Variants in EPHB2 observed in about 807,000 individuals in gnomAD.
EPHB2 encodes the protein EPH receptor B2, also known as ephrin type-B receptor 2.
EPHB2 carries 18 observed loss-of-function variants against 96.4 expected under a neutral mutation model. The observed-to-expected ratio is 0.19, with a 90% CI of 0.13 to 0.28. EPHB2 has a LOEUF of 0.28. Among genes scored for constraint, EPHB2 ranks in the 10% least tolerant of loss-of-function variants. EPHB2 has a pLI of 1.00. For missense variants in EPHB2, 989 were observed against 1,355.4 expected, an observed-to-expected ratio of 0.73 and a Z score of 4.25; for synonymous variants, 506 against 534.1, an observed-to-expected ratio of 0.95 and a Z score of 0.72.
At chr1:22,848,963 G>A (rs992534334) in intron 3 of EPHB2, among the ~76,000 whole-genome samples, 19 of 152,108 alleles carry the variant, frequency 1.2e-4, no homozygotes, top group African/African-American at 4.1e-4. Flanking sequence ...TGGAGCCTCC[G>A]TTTCTCATCT....
intron 1 of EPHB2, among the ~76,000 whole-genome samples, chr1:22,713,809 C>T (rs986663631): frequency 1.1e-4 from 16 of 152,188 alleles, no homozygotes; most frequent in African/African-American, 1.7e-4. Flanking sequence ...CTCCAGCCTT[C>T]GGAATGGGGG....
chr1:22,903,053 A>G (rs555913942), intron 9 of EPHB2, among the ~76,000 whole-genome samples: 16 of 152,356 alleles, frequency 1.1e-4, no homozygotes, highest in African/African-American at 3.6e-4. Context: ...TCTAGGGAGC[A>G]GGGAGCTGGA....
intron 1 of EPHB2, among the ~76,000 whole-genome samples, chr1:22,720,996 G>A (rs1270907552): frequency 6.6e-6 from 1 of 152,082 alleles, no homozygotes; most frequent in Admixed American, 6.6e-5. Flanking sequence ...AGCGAACTGG[G>A]CATCATAATT....
intron 7 of EPHB2, among the ~76,000 whole-genome samples, chr1:22,893,747 T>C (rs1639465950): frequency 6.6e-6 from 1 of 152,208 alleles, no homozygotes; most frequent in South Asian, 2.1e-4. Flanking sequence ...AATGATCTCA[T>C]TATCACTATC....
At position 22,906,465 on chromosome 1, in the gene EPHB2, AC is replaced by A. The variant is rs1639918256; in HGVS notation, c.1889-240del. ...ATCTCCCAGGTTCCCCTGCACCCTC[AC>A]CCCCATGCCCAGCCAGGGATAACCA... On this transcript the variant is annotated intron_variant, in intron 10 of 15. Coordinates refer to ENST00000374630, the MANE Select transcript of EPHB2 (RefSeq NM_017449.5). The surrounding 1 kb of genome is among the most constrained non-coding windows in gnomAD (Gnocchi z 4.8). Among the ~76,000 whole-genome samples, 1 of 151,484 alleles carries A rather than the reference AC, an allele frequency of 6.6e-6. No individual in the cohort carries two copies. Among genetic ancestry groups the A allele is most frequent in the Non-Finnish European group, 1.5e-5 (1 of 67,898 alleles).
rs1644573289 is a variant in EPHB2, at chr1:22,784,102, C to T, written c.127-290C>T. On this transcript the variant is annotated intron_variant, in intron 2 of 15. Transcript: ENST00000374630. The surrounding 1 kb of genome is among the most constrained non-coding windows in gnomAD (Gnocchi z 5.1). ...GTGGGGAAGGGTTCTCCCTATTTTC[C>T]CCTTCCAGGTGGGAACTTCCTGGCC... 6.6e-6 allele frequency among the ~76,000 whole-genome samples: 1 copy of T among 152,152 alleles called. No homozygotes were observed. Among genetic ancestry groups the T allele is most frequent in the Non-Finnish European group, 1.5e-5 (1 of 68,018 alleles).
chr1:22,872,621 G>T (rs1193013171), intron 5 of EPHB2, among the ~76,000 whole-genome samples: 1 of 152,128 alleles, frequency 6.6e-6, no homozygotes, highest in Non-Finnish European at 1.5e-5. Context: ...GTCCACAGAG[G>T]TTCCTTAGTG....
intron 6 of EPHB2, among the ~76,000 whole-genome samples, chr1:22,887,576 G>A (rs112968986): frequency 0.019 from 2,822 of 152,314 alleles, 86 homozygotes; most frequent in African/African-American, 0.064. Context: ...TGACAACTGC[G>A]TTGCTAGATG....
At chr1:22,823,722 A>T (rs1434469767) in intron 3 of EPHB2, among the ~76,000 whole-genome samples, 3 of 152,232 alleles carry the variant, frequency 2.0e-5, no homozygotes, top group African/African-American at 7.2e-5. Flanking sequence ...TGATTTTCTC[A>T]TCTATAAAAT....
chr1:22,868,670 T>C (rs751575369), intron 5 of EPHB2, among the ~76,000 whole-genome samples: 14 of 152,160 alleles, frequency 9.2e-5, no homozygotes, highest in South Asian at 4.2e-4. Flanking sequence ...CCATATCTCA[T>C]TGGCCAAAAC....
chr1:22,813,062 C>T (rs902637157), intron 3 of EPHB2, among the ~76,000 whole-genome samples: 1 of 152,212 alleles, frequency 6.6e-6, no homozygotes, highest in Admixed American at 6.5e-5. Context: ...ATATTATATA[C>T]TTGCGTTATA....
At chr1:22,873,604 T>G (rs1638742296) in intron 5 of EPHB2, among the ~76,000 whole-genome samples, 1 of 152,140 alleles carries the variant, frequency 6.6e-6, no homozygotes, top group South Asian at 2.1e-4. Context: ...TGGCTTAGAC[T>G]AAAGGGAGGT....
At chr1:22,744,117 C>T (rs534578722) in intron 1 of EPHB2, among the ~76,000 whole-genome samples, 3 of 152,240 alleles carry the variant, frequency 2.0e-5, no homozygotes, top group Admixed American at 2.0e-4. Flanking sequence ...CACCCCAAAT[C>T]ATGATTTCCC....
chr1:22,717,163 G>A (rs1643315627), intron 1 of EPHB2, among the ~76,000 whole-genome samples: 1 of 152,218 alleles, frequency 6.6e-6, no homozygotes, highest in South Asian at 2.1e-4. Context: ...CCTGGCTGCC[G>A]CTGGCTCGTG....
intron 1 of EPHB2, among the ~76,000 whole-genome samples, chr1:22,718,723 C>T (rs1430064296): frequency 1.3e-5 from 2 of 152,132 alleles, no homozygotes; most frequent in South Asian, 4.2e-4. Flanking sequence ...GTACTAACAG[C>T]ATTATGTGTG....
At chr1:22,849,482 C>G (rs1246809633) in intron 3 of EPHB2, among the ~76,000 whole-genome samples, 1 of 152,212 alleles carries the variant, frequency 6.6e-6, no homozygotes, top group Non-Finnish European at 1.5e-5. Flanking sequence ...CAGAACCGAG[C>G]AGTCTATGTG....
At chr1:22,809,956 G>C (rs1341689285) in intron 3 of EPHB2, among the ~76,000 whole-genome samples, 1 of 152,198 alleles carries the variant, frequency 6.6e-6, no homozygotes, top group Non-Finnish European at 1.5e-5. Context: ...GTAGGGTAGG[G>C]CTTCACTTAG....
At chr1:22,847,288 G>C (rs1645557560) in intron 3 of EPHB2, among the ~76,000 whole-genome samples, 1 of 152,218 alleles carries the variant, frequency 6.6e-6, no homozygotes, top group South Asian at 2.1e-4. Context: ...GTCAGTGGCA[G>C]ACTCAGAGTT....
chr1:22,869,523 G>T (rs1032887948), intron 5 of EPHB2, among the ~76,000 whole-genome samples: 3 of 151,982 alleles, frequency 2.0e-5, no homozygotes, highest in African/African-American at 7.3e-5. Context: ...TCCTGGAAGA[G>T]GAGGCATTTG....
Sources: allele counts gnomAD v4.1 joint callset (sites outside exome capture counted in the v4.1 genomes callset), GRCh38; gene constraint gnomAD v4.1.1; non-coding constraint Gnocchi (gnomAD v3.1); transcripts MANE v1.5; gene names NCBI Gene and HGNC (gene_info 2026-07-23, HGNC 2026-07-21).